The following B3GALT1 variants were observed in gnomAD, a reference collection of about 807,000 sequenced individuals.
B3GALT1 encodes beta-1,3-galactosyltransferase 1.
Under a neutral mutation model 23.2 loss-of-function variants are expected in B3GALT1, and 10 were observed. The ratio of observed to expected loss-of-function variants is 0.43; its 90% CI spans 0.27 to 0.73. The LOEUF (loss-of-function observed/expected upper bound fraction) is 0.73. Among genes scored for constraint, B3GALT1 ranks in the 30% least tolerant of loss-of-function variants. The pLI is 0.21. For missense variants in B3GALT1, 299 were observed against 405.4 expected, an observed-to-expected ratio of 0.74 and a Z score of 2.25; for synonymous variants, 156 against 141.5, an observed-to-expected ratio of 1.10 and a Z score of -0.73.
chr2:167,307,758 C>T (rs1696572154), intron 1 of B3GALT1, among the ~76,000 whole-genome samples: 1 of 151,990 alleles, frequency 6.6e-6, no homozygotes, highest in African/African-American at 2.4e-5. Context: ...AAGATCTTCC[C>T]TTCCCTTTTC....
intron 2 of B3GALT1, among the ~76,000 whole-genome samples, chr2:167,566,180 G>T (rs1162269503): frequency 6.6e-6 from 1 of 152,166 alleles, no homozygotes; most frequent in Non-Finnish European, 1.5e-5. Flanking sequence ...CATAAAAAAT[G>T]ATGAGTTCAT....
rs139305225 is a variant in B3GALT1 at position 167,753,387 on chromosome 2, A to G, written c.-351-65285A>G. Among the ~76,000 whole-genome samples, 389 of 152,322 alleles carry G rather than the reference A, an allele frequency of 2.6e-3. 3 individuals are homozygous for G. Among genetic ancestry groups the G allele is most frequent in the African/African-American group, 8.9e-3 (371 of 41,582 alleles). On this transcript the variant is annotated intron_variant, in intron 3 of 4. Coordinates refer to ENST00000392690, the MANE Select transcript of B3GALT1 (RefSeq NM_020981.4). ...GTCCCTGACCAGCAGGTGAAACCCA[A>G]GCACACAACCTGCTGAGGAGTGAAA...
At chr2:167,510,361 A>G (rs564721663) in intron 2 of B3GALT1, among the ~76,000 whole-genome samples, 7 of 144,848 alleles carry the variant, frequency 4.8e-5, no homozygotes, top group African/African-American at 1.8e-4. Context: ...AATTTATGTG[A>G]TTTTTTAATG....
chr2:167,428,773 T>G (rs935303611), intron 1 of B3GALT1, among the ~76,000 whole-genome samples: 6 of 152,176 alleles, frequency 3.9e-5, no homozygotes, highest in African/African-American at 7.2e-5. Context: ...TGTTTGAGTT[T>G]CATGGCTGCT....
At chr2:167,454,236 CA>C (rs1378896885) in intron 1 of B3GALT1, among the ~76,000 whole-genome samples, 1 of 151,892 alleles carries the variant, frequency 6.6e-6, no homozygotes, top group East Asian at 1.9e-4. Context: ...CACGTGTGTG[CA>C]TGTATGTGTG....
intron 2 of B3GALT1, among the ~76,000 whole-genome samples, chr2:167,564,152 G>C (rs1185556278): frequency 6.7e-5 from 10 of 149,222 alleles, no homozygotes; most frequent in South Asian, 2.1e-4. Context: ...CAGACGGGGC[G>C]GTTGCCAGGC....
At chr2:167,774,472 G>GTTTTTTTTGTTTGTTTTTTTTT (rs1558974686) in intron 3 of B3GALT1, among the ~76,000 whole-genome samples, 4 of 111,928 alleles carry the variant, frequency 3.6e-5, no homozygotes, top group Non-Finnish European at 7.4e-5. Flanking sequence ...GTGTTTATTG[G>GTTTTTTTTGTTTGTTTTTTTTT]TTTTTTTTTT....
intron 2 of B3GALT1, among the ~76,000 whole-genome samples, chr2:167,500,074 T>C (rs1699830772): frequency 6.6e-6 from 1 of 152,080 alleles, no homozygotes; most frequent in Non-Finnish European, 1.5e-5. Context: ...TTTCACCTTC[T>C]TGGTTCTGAA....
intron 2 of B3GALT1, among the ~76,000 whole-genome samples, chr2:167,603,644 C>T (rs1461652075): frequency 6.6e-6 from 1 of 152,206 alleles, no homozygotes; most frequent in Admixed American, 6.5e-5. Context: ...AGAACTGCTT[C>T]CTTTGCCTGT....
In B3GALT1 at chr2:167,868,943, A is replaced by G. The variant is rs905729624; in HGVS notation, c.-97A>G. On this transcript the variant is annotated 5_prime_UTR_variant, in exon 5 of 5. Coordinates refer to ENST00000392690, the MANE Select transcript of B3GALT1 (RefSeq NM_020981.4). Reference sequence around the variant, plus strand: ...CCTCACGCTTCTCTATCAAACTTGAAGATTTATTAGTAATATGCTGCCTTT... The same window carrying G: ...CCTCACGCTTCTCTATCAAACTTGAGGATTTATTAGTAATATGCTGCCTTT... 1 of 1,408,658 alleles carries G rather than the reference A, an allele frequency of 7.1e-7. No homozygotes were observed. Among genetic ancestry groups the G allele is most frequent in the Non-Finnish European group, 9.6e-7 (1 of 1,042,474 alleles). The allele number at this position is 1,408,658 out of a possible 1,614,324, so 87.3% of individuals were successfully genotyped here.
rs576417675 is a variant in B3GALT1 at position 167,533,463 on chromosome 2, T to C, written c.-410+43186T>C. 1.3e-4 allele frequency among the ~76,000 whole-genome samples: 20 copies of C among 152,306 alleles called. No homozygotes were observed. The South Asian group carries it at 4.1e-3, about 32-fold the overall frequency. On this transcript the variant is annotated intron_variant, in intron 2 of 4. Transcript: ENST00000392690. Reference sequence around the variant, plus strand: ...TGGTATTGTATTTTAGATAATTTGATATTTAGATATTTGATTCAACCTTGC... The same window carrying C: ...TGGTATTGTATTTTAGATAATTTGACATTTAGATATTTGATTCAACCTTGC...
chr2:167,505,662 T>C (rs1055274384), intron 2 of B3GALT1, among the ~76,000 whole-genome samples: 2 of 152,134 alleles, frequency 1.3e-5, no homozygotes, highest in South Asian at 2.1e-4. Context: ...CTAGAAATCA[T>C]TGATACCCTG....
intron 3 of B3GALT1, among the ~76,000 whole-genome samples, chr2:167,651,250 G>A (rs1432038365): frequency 2.0e-4 from 2 of 9,860 alleles, no homozygotes; most frequent in Non-Finnish European, 5.5e-3. Flanking sequence ...GTGTGTGTGT[G>A]TGTGTGTGTG....
chr2:167,801,713 G>A (rs1354923891), intron 3 of B3GALT1, among the ~76,000 whole-genome samples: 1 of 152,192 alleles, frequency 6.6e-6, no homozygotes, highest in Non-Finnish European at 1.5e-5. Flanking sequence ...TATCTGCTAT[G>A]ATGAGTTACC....
intron 1 of B3GALT1, among the ~76,000 whole-genome samples, chr2:167,370,941 A>G (rs919587577): frequency 6.6e-6 from 1 of 152,156 alleles, no homozygotes; most frequent in Non-Finnish European, 1.5e-5. Flanking sequence ...CAAGCAAACA[A>G]ACAAACAAAA....
intron 4 of B3GALT1, among the ~76,000 whole-genome samples, chr2:167,848,042 A>G (rs1689797832): frequency 6.6e-6 from 1 of 152,194 alleles, no homozygotes; most frequent in African/African-American, 2.4e-5. Context: ...TAAATCAGGA[A>G]GAATTAGATA....
chr2:167,840,456 C>A (rs1397420023), intron 4 of B3GALT1, among the ~76,000 whole-genome samples: 2 of 151,624 alleles, frequency 1.3e-5, no homozygotes, highest in African/African-American at 2.4e-5. Flanking sequence ...CAGAGAAATG[C>A]AAATCAAAAC....
intron 3 of B3GALT1, among the ~76,000 whole-genome samples, chr2:167,718,915 A>G (rs1012231639): frequency 1.3e-5 from 2 of 152,182 alleles, no homozygotes; most frequent in African/African-American, 4.8e-5. Context: ...TGTTTTCTCA[A>G]ATGCCAAGGT....
intron 1 of B3GALT1, among the ~76,000 whole-genome samples, chr2:167,443,775 G>A (rs544876717): frequency 2.4e-4 from 37 of 152,246 alleles, no homozygotes; most frequent in South Asian, 4.2e-4. Context: ...GGGCTGAGAC[G>A]ATGGGGTTTT....
Sources: gnomAD v4.1 joint callset for allele counts (sites outside exome capture counted in the v4.1 genomes callset) on GRCh38, gnomAD v4.1.1 for gene constraint, MANE v1.5 for transcripts, NCBI Gene and HGNC (gene_info 2026-07-23, HGNC 2026-07-21) for gene names.